PLD5: variants seen among roughly 807,000 people sequenced by gnomAD.
The protein encoded by PLD5 is inactive phospholipase D5.
Under a neutral mutation model 61.1 loss-of-function variants are expected in PLD5, and 36 were observed. The observed-to-expected ratio is 0.59, with a 90% CI of 0.45 to 0.78. The LOEUF is 0.78. PLD5 is among the 30% of genes least tolerant of loss of function. The pLI is 0.00. For missense variants in PLD5, 515 were observed against 644.4 expected, an observed-to-expected ratio of 0.80 and a Z score of 2.17; for synonymous variants, 243 against 242.8, an observed-to-expected ratio of 1.00 and a Z score of -0.01.
intron 4 of PLD5, among the ~76,000 whole-genome samples, chr1:242,242,843 T>C (rs545213603): frequency 6.6e-6 from 1 of 152,366 alleles, no homozygotes; most frequent in African/African-American, 2.4e-5. Context: ...GTAAATCATA[T>C]TATTATCCTC....
At chr1:242,168,845 A>AATTTTTTTTTTTTTTTTT (rs1574439363) in intron 5 of PLD5, among the ~76,000 whole-genome samples, 2 of 29,248 alleles carry the variant, frequency 6.8e-5, no homozygotes, top group Non-Finnish European at 1.1e-4. Flanking sequence ...TAATTAATGA[A>AATTTTTTTTTTTTTTTTT]GTTTTTTTTT....
At chr1:242,199,409 C>A (rs1420176710) in intron 5 of PLD5, among the ~76,000 whole-genome samples, 2 of 152,038 alleles carry the variant, frequency 1.3e-5, no homozygotes, top group African/African-American at 4.8e-5. Flanking sequence ...CGCCCGCCAC[C>A]ACGCCCAGCT....
intron 5 of PLD5, among the ~76,000 whole-genome samples, chr1:242,129,433 A>G (rs992478233): frequency 6.6e-5 from 10 of 152,024 alleles, no homozygotes; most frequent in Non-Finnish European, 1.5e-4. Flanking sequence ...CGATGATGGA[A>G]AAAAAACCAA....
intron 8 of PLD5, among the ~76,000 whole-genome samples, chr1:242,107,457 G>A (rs568438042): frequency 1.3e-5 from 2 of 151,470 alleles, no homozygotes; most frequent in African/African-American, 4.9e-5. Flanking sequence ...AACAGAAAGT[G>A]AGAAGAGGGC....
At chr1:242,272,346 A>G (rs2149114016) in intron 3 of PLD5, among the ~76,000 whole-genome samples, 1 of 152,294 alleles carries the variant, frequency 6.6e-6, no homozygotes, top group East Asian at 1.9e-4. Flanking sequence ...CAGATCTAAT[A>G]GAAAACAAAT....
intron 1 of PLD5, among the ~76,000 whole-genome samples, chr1:242,370,671 T>A (rs1661585665): frequency 1.3e-5 from 2 of 152,194 alleles, no homozygotes; most frequent in Admixed American, 1.3e-4. Flanking sequence ...AATAAGCTAT[T>A]TTGAATGTTA....
rs1206248366 is a variant in PLD5 at position 242,256,892 on chromosome 1, T to C, written c.607+8445A>G. Among the ~76,000 whole-genome samples the C allele has an allele frequency of 7.6e-6, 1 of 132,182 alleles. No homozygotes were observed. The highest frequency in any genetic ancestry group is 3.0e-5 in the African/African-American group (1 of 32,804). The allele number at this position is 132,182 out of a possible 152,430, so 86.7% of individuals were successfully genotyped here. A position where few individuals can be genotyped will look rare whatever the true frequency, so the allele number is the denominator to read the frequency against. ...TCTTCTTTCTTTTCTCTCCCTCTTC[T>C]TTCTCTTTCTTTTTTCATCTATCTA... On this transcript the variant is annotated intron_variant, in intron 4 of 9. Transcript: ENST00000536534. The surrounding 1 kb of genome is among the most constrained non-coding windows in gnomAD (Gnocchi z 5.7).
chr1:242,409,110 AC>A (rs1664407007), intron 1 of PLD5, among the ~76,000 whole-genome samples: 1 of 151,758 alleles, frequency 6.6e-6, no homozygotes, highest in Non-Finnish European at 1.5e-5. Context: ...AACAAGAAGC[AC>A]CTTTCAGTCT....
chr1:242,301,320 T>C (rs1676021931), intron 2 of PLD5, among the ~76,000 whole-genome samples: 1 of 152,236 alleles, frequency 6.6e-6, no homozygotes, highest in Admixed American at 6.5e-5. Flanking sequence ...CATCTGCTAC[T>C]CCTTGTCAGA....
intron 1 of PLD5, among the ~76,000 whole-genome samples, chr1:242,394,759 TATATATGTGAATATATATGTG>T (rs1471283657): frequency 4.9e-5 from 2 of 41,156 alleles, no homozygotes; most frequent in Non-Finnish European, 6.2e-5. Flanking sequence ...CATATATGTG[TATATATGTGAATATATATGTG>T]TATATATGTG....
intron 1 of PLD5, among the ~76,000 whole-genome samples, chr1:242,374,276 C>A (rs1661820443): frequency 6.6e-6 from 1 of 152,122 alleles, no homozygotes; most frequent in African/African-American, 2.4e-5. Flanking sequence ...ATCACAGAAC[C>A]AGGAAAAGGA....
chr1:242,152,428 C>T (rs1382460979), intron 5 of PLD5, among the ~76,000 whole-genome samples: 1 of 152,102 alleles, frequency 6.6e-6, no homozygotes, highest in Non-Finnish European at 1.5e-5. Flanking sequence ...CATAGGTATA[C>T]ATGTGCCATG....
chr1:242,256,791 T>TATCTATCTATC lies in PLD5; in HGVS notation c.607+8545_607+8546insGATAGATAGAT, dbSNP rs1553337285. 6.9e-6 allele frequency among the ~76,000 whole-genome samples: 1 copy of TATCTATCTATC among 145,882 alleles called. No homozygotes were observed. The highest frequency in any genetic ancestry group is 2.6e-5 in the African/African-American group (1 of 38,860). On this transcript the variant is annotated intron_variant, in intron 4 of 9. Transcript: ENST00000536534. The surrounding 1 kb of genome is among the most constrained non-coding windows in gnomAD (Gnocchi z 5.7). The stretch of plus-strand genomic sequence containing the variant: ...CTATCTATCTATCTATCTATCTATC[T>TATCTATCTATC]ATCTATTAATATCTATCTTTCTATG...
At chr1:242,442,561 C>T (rs898722891) in intron 1 of PLD5, among the ~76,000 whole-genome samples, 3 of 152,128 alleles carry the variant, frequency 2.0e-5, no homozygotes, top group African/African-American at 7.2e-5. Context: ...GCTTGGGGAA[C>T]CAGTGATGTT....
intron 1 of PLD5, among the ~76,000 whole-genome samples, chr1:242,361,061 A>G (rs1334708465): frequency 1.3e-5 from 2 of 152,124 alleles, no homozygotes; most frequent in African/African-American, 4.8e-5. Flanking sequence ...GTTTCTCTTT[A>G]TTCTGAATGC....
At chr1:242,513,735 G>C (rs889220878) in intron 1 of PLD5, among the ~76,000 whole-genome samples, 3 of 152,190 alleles carry the variant, frequency 2.0e-5, no homozygotes, top group African/African-American at 7.2e-5. Context: ...GTGGGTCCAA[G>C]ATACAAAGAG....
intron 5 of PLD5, among the ~76,000 whole-genome samples, chr1:242,136,771 C>G (rs12750444): frequency 6.6e-6 from 1 of 152,062 alleles, no homozygotes; most frequent in Non-Finnish European, 1.5e-5. Context: ...AATCTGGGAA[C>G]CTTATGTAAC....
chr1:242,388,674 G>C (rs991022407), intron 1 of PLD5, among the ~76,000 whole-genome samples: 1 of 152,132 alleles, frequency 6.6e-6, no homozygotes, highest in Non-Finnish European at 1.5e-5. Flanking sequence ...GGCTGACTGA[G>C]ACGGTAAGGA....
chr1:242,291,463 T>C (rs1056008559), intron 2 of PLD5, among the ~76,000 whole-genome samples: 5 of 152,066 alleles, frequency 3.3e-5, no homozygotes, highest in Admixed American at 1.3e-4. Flanking sequence ...AGAATGCATA[T>C]TGGGTGTCGT....
Sources: allele counts gnomAD v4.1 joint callset (sites outside exome capture counted in the v4.1 genomes callset), GRCh38; gene constraint gnomAD v4.1.1; non-coding constraint Gnocchi (gnomAD v3.1); transcripts MANE v1.5; gene names NCBI Gene and HGNC (gene_info 2026-07-23, HGNC 2026-07-21).